Variants in ARHGAP42 observed in about 807,000 individuals in gnomAD.
The protein encoded by ARHGAP42 is rho GTPase-activating protein 42.
Under a neutral mutation model 125.0 loss-of-function variants are expected in ARHGAP42, and 63 were observed. The observed-to-expected ratio is 0.50, with a 90% confidence interval of 0.41 to 0.62. The LOEUF (loss-of-function observed/expected upper bound fraction) is 0.62. Ranked by LOEUF, ARHGAP42 falls within the 20% of genes least tolerant of loss-of-function variation. The pLI, the probability that ARHGAP42 is intolerant of heterozygous loss-of-function variation, is 0.00. For missense variants in ARHGAP42, 766 were observed against 1,024.2 expected, an observed-to-expected ratio of 0.75 and a Z score of 3.44; for synonymous variants, 339 against 351.0, an observed-to-expected ratio of 0.97 and a Z score of 0.38.
At chr11:100,900,011 T>C (rs1033801095) in intron 4 of ARHGAP42, among the ~76,000 whole-genome samples, 1 of 152,198 alleles carries the variant, frequency 6.6e-6, no homozygotes, top group Non-Finnish European at 1.5e-5. Context: ...TCGATGGTCT[T>C]TTCAATTTGG....
At chr11:100,740,528 T>C (rs907664403) in intron 1 of ARHGAP42, among the ~76,000 whole-genome samples, 1 of 152,212 alleles carries the variant, frequency 6.6e-6, no homozygotes, top group Non-Finnish European at 1.5e-5. Flanking sequence ...TCTTTGCCAT[T>C]TGAAGGCAGT....
chr11:100,754,598 GAA>G (rs1254421953), intron 1 of ARHGAP42, among the ~76,000 whole-genome samples: 1 of 152,180 alleles, frequency 6.6e-6, no homozygotes, highest in Non-Finnish European at 1.5e-5. Context: ...TGTATAAGTA[GAA>G]AACATTAATT....
chr11:100,749,236 A>C (rs1054439759), intron 1 of ARHGAP42, among the ~76,000 whole-genome samples: 3 of 152,162 alleles, frequency 2.0e-5, no homozygotes, highest in Non-Finnish European at 2.9e-5. Context: ...CCCTCAAACC[A>C]GGGGTATCTT....
chr11:100,741,422 G>C (rs1007283185), intron 1 of ARHGAP42, among the ~76,000 whole-genome samples: 2 of 152,200 alleles, frequency 1.3e-5, no homozygotes, highest in Admixed American at 1.3e-4. Context: ...GGTAAAGTGT[G>C]TGTGAATAGA....
At chr11:100,948,674 C>T (rs970716819) in intron 11 of ARHGAP42, 139 bp downstream of exon 11, 7 of 613,206 alleles carry the variant, frequency 1.1e-5, no homozygotes, top group African/African-American at 1.9e-5. Context: ...GGAGTAGAGA[C>T]TTTTATGGTT....
At chr11:100,765,552 A>G (rs964404893) in intron 1 of ARHGAP42, among the ~76,000 whole-genome samples, 1 of 152,202 alleles carries the variant, frequency 6.6e-6, no homozygotes, top group East Asian at 1.9e-4. Flanking sequence ...AATTTATATT[A>G]AATGCTTACA....
chr11:100,751,969 G>T (rs1272323314), intron 1 of ARHGAP42, among the ~76,000 whole-genome samples: 1 of 151,686 alleles, frequency 6.6e-6, no homozygotes, highest in African/African-American at 2.4e-5. Flanking sequence ...TAATAGAGAT[G>T]GGGTTTCACC....
chr11:100,832,601 T>C (rs1591219574), intron 3 of ARHGAP42, among the ~76,000 whole-genome samples: 1 of 152,206 alleles, frequency 6.6e-6, no homozygotes, highest in Non-Finnish European at 1.5e-5. Flanking sequence ...ACTGGAAAGC[T>C]CAGTTAAGAG....
intron 3 of ARHGAP42, among the ~76,000 whole-genome samples, chr11:100,796,573 G>A (rs1465498306): frequency 2.0e-5 from 3 of 152,200 alleles, no homozygotes; most frequent in Middle Eastern, 3.4e-3. Flanking sequence ...CAAATAGTTA[G>A]CAAAGTGGTG....
At chr11:100,893,488 G>A (rs185021815) in intron 4 of ARHGAP42, among the ~76,000 whole-genome samples, 159 of 152,114 alleles carry the variant, frequency 1.0e-3, no homozygotes, top group Non-Finnish European at 1.5e-3. Context: ...TAGCTGAAAA[G>A]CCATAAATAA....
chr11:100,732,498 G>A (rs1251039734), intron 1 of ARHGAP42, among the ~76,000 whole-genome samples: 1 of 152,128 alleles, frequency 6.6e-6, no homozygotes, highest in Non-Finnish European at 1.5e-5. Context: ...ATGGGCCTTC[G>A]ATTGCAAGTA....
intron 21 of ARHGAP42, 44 bp downstream of exon 21, chr11:100,977,015 G>A (rs540694080): frequency 6.5e-7 from 1 of 1,544,224 alleles, no homozygotes; most frequent in South Asian, 1.2e-5. Flanking sequence ...CAGGGATACA[G>A]AGAGGAGTTG....
At chr11:100,804,884 A>G (rs893185913) in intron 3 of ARHGAP42, among the ~76,000 whole-genome samples, 4 of 152,204 alleles carry the variant, frequency 2.6e-5, no homozygotes, top group Middle Eastern at 3.2e-3. Flanking sequence ...GCCTCAAAAG[A>G]TGTGAAGAAT....
chr11:100,962,666 C>T (rs543696482), intron 16 of ARHGAP42, among the ~76,000 whole-genome samples, 199 bp downstream of exon 16: 23 of 152,084 alleles, frequency 1.5e-4, no homozygotes, highest in Admixed American at 6.5e-4. Context: ...CACCTGAGGT[C>T]GGGAGTTCGA....
intron 3 of ARHGAP42, among the ~76,000 whole-genome samples, chr11:100,834,336 G>A (rs1256025613): frequency 6.6e-6 from 1 of 152,116 alleles, no homozygotes; most frequent in Non-Finnish European, 1.5e-5. Flanking sequence ...TTTCTGATTA[G>A]TAGAATATTT....
At chr11:100,797,408 A>G (rs922907558) in intron 3 of ARHGAP42, among the ~76,000 whole-genome samples, 1 of 152,142 alleles carries the variant, frequency 6.6e-6, no homozygotes, top group East Asian at 1.9e-4. Context: ...CATGTTAGGT[A>G]CTAATGTAGC....
chr11:100,920,272 A>G (rs779220374), intron 5 of ARHGAP42, among the ~76,000 whole-genome samples: 1 of 152,174 alleles, frequency 6.6e-6, no homozygotes, highest in African/African-American at 2.4e-5. Flanking sequence ...TAAATGCATG[A>G]TAAGTATAGA....
At chr11:100,732,176 C>T (rs1433083820) in intron 1 of ARHGAP42, among the ~76,000 whole-genome samples, 2 of 152,134 alleles carry the variant, frequency 1.3e-5, no homozygotes, top group Admixed American at 6.5e-5. Context: ...AGGCTGGTCT[C>T]GAACTCCCGA....
intron 4 of ARHGAP42, among the ~76,000 whole-genome samples, chr11:100,899,739 T>C (rs1178502188): frequency 1.3e-5 from 2 of 150,602 alleles, no homozygotes; most frequent in Non-Finnish European, 3.0e-5. Flanking sequence ...TTTTTGTTTT[T>C]TTTTGCTCTC....
Sources: allele counts gnomAD v4.1 joint callset (sites outside exome capture counted in the v4.1 genomes callset), GRCh38; gene constraint gnomAD v4.1.1; transcripts MANE v1.5; gene names NCBI Gene and HGNC (gene_info 2026-07-23, HGNC 2026-07-21).